The following NRG3 variants were observed in gnomAD, a reference collection of about 807,000 sequenced individuals.
The protein encoded by NRG3 is neuregulin 3, also known as pro-neuregulin-3, membrane-bound isoform.
Under a neutral mutation model 66.9 loss-of-function variants are expected in NRG3, and 31 were observed. The ratio of observed to expected loss-of-function variants is 0.46; its 90% CI spans 0.35 to 0.63. The LOEUF (loss-of-function observed/expected upper bound fraction) is 0.63, where lower values mean the gene tolerates loss of function less well. Ranked by LOEUF, NRG3 falls within the 20% of genes least tolerant of loss-of-function variation. The probability of loss-of-function intolerance (pLI) is 0.00; values close to 1 mark genes in which losing one functional copy is unlikely to be tolerated. For synonymous variants in NRG3, 393 were observed against 359.4 expected, an observed-to-expected ratio of 1.09 and a Z score of -1.06; for missense variants, 910 against 878.9, an observed-to-expected ratio of 1.04 and a Z score of -0.45.
intron 2 of NRG3, among the ~76,000 whole-genome samples, chr10:82,428,899 A>T (rs1168219382): frequency 1.3e-5 from 2 of 151,924 alleles, no homozygotes; most frequent in African/African-American, 4.8e-5. Context: ...TGTTAGGTGT[A>T]TATATGTTTA....
At chr10:82,206,588 A>G (rs956665244) in intron 1 of NRG3, among the ~76,000 whole-genome samples, 1 of 151,972 alleles carries the variant, frequency 6.6e-6, no homozygotes. Flanking sequence ...TGTGTGAACC[A>G]CCCTTGAAAA....
intron 2 of NRG3, among the ~76,000 whole-genome samples, chr10:82,653,805 A>G (rs1293399097): frequency 6.6e-6 from 1 of 152,202 alleles, no homozygotes; most frequent in Non-Finnish European, 1.5e-5. Context: ...CATAAGAGCG[A>G]GGGCCTCATC....
At chr10:82,186,108 T>C (rs774587845) in intron 1 of NRG3, among the ~76,000 whole-genome samples, 10 of 152,182 alleles carry the variant, frequency 6.6e-5, no homozygotes, top group Admixed American at 1.3e-4. Flanking sequence ...AATAACTGAT[T>C]CAAAAATTCA....
intron 2 of NRG3, among the ~76,000 whole-genome samples, chr10:82,597,032 A>G (rs1374314000): frequency 2.6e-5 from 4 of 152,158 alleles, no homozygotes; most frequent in Non-Finnish European, 2.9e-5. Flanking sequence ...GTTTCTGTGC[A>G]TGATTATCTC....
At chr10:82,592,464 T>TA (rs2047037391) in intron 2 of NRG3, among the ~76,000 whole-genome samples, 1 of 152,132 alleles carries the variant, frequency 6.6e-6, no homozygotes, top group South Asian at 2.1e-4. Context: ...GGCAAAGAAA[T>TA]ATGGTTTGCC....
At chr10:82,268,233 C>G (rs545529750) in intron 1 of NRG3, among the ~76,000 whole-genome samples, 1 of 152,174 alleles carries the variant, frequency 6.6e-6, no homozygotes, top group African/African-American at 2.4e-5. Context: ...GTACTATTAT[C>G]ATTTTCCTTT....
chr10:81,903,696 C>T (rs1172010923), intron 1 of NRG3, among the ~76,000 whole-genome samples: 10 of 152,190 alleles, frequency 6.6e-5, no homozygotes, highest in Admixed American at 6.5e-4. Flanking sequence ...CATTAGCTGC[C>T]TCCACAAGGC....
At chr10:82,149,035 A>G (rs556957858) in intron 1 of NRG3, among the ~76,000 whole-genome samples, 5 of 148,338 alleles carry the variant, frequency 3.4e-5, no homozygotes, top group African/African-American at 1.3e-4. Flanking sequence ...TCACCCAAAC[A>G]ATTCACATTC....
intron 4 of NRG3, among the ~76,000 whole-genome samples, chr10:82,879,110 T>G (rs547968244): frequency 6.6e-6 from 1 of 152,342 alleles, no homozygotes; most frequent in East Asian, 1.9e-4. Flanking sequence ...TCCACTGCAT[T>G]TATTAAAATC....
intron 1 of NRG3, among the ~76,000 whole-genome samples, chr10:81,935,876 AACACACACACACACACACACAC>A (rs55670416): frequency 1.1e-4 from 14 of 132,440 alleles, no homozygotes; most frequent in African/African-American, 3.8e-4. Flanking sequence ...TCAGTGCCTG[AACACACACACACACACACACAC>A]ACACACACAC....
chr10:82,008,059 T>C (rs1302794412), intron 1 of NRG3, among the ~76,000 whole-genome samples: 1 of 152,202 alleles, frequency 6.6e-6, no homozygotes, highest in African/African-American at 2.4e-5. Context: ...CAGCTGGTTT[T>C]GGGGGGCATT....
intron 1 of NRG3, among the ~76,000 whole-genome samples, chr10:82,320,301 T>C (rs538327596): frequency 5.3e-5 from 8 of 152,260 alleles, no homozygotes; most frequent in Non-Finnish European, 1.2e-4. Context: ...AGTAAATACC[T>C]AAGTCATTTG....
At chr10:81,918,529 A>C (rs1165858032) in intron 1 of NRG3, among the ~76,000 whole-genome samples, 3 of 152,198 alleles carry the variant, frequency 2.0e-5, no homozygotes, top group Non-Finnish European at 4.4e-5. Flanking sequence ...GGATTTTTCT[A>C]TTTATAAATG....
At chr10:82,135,842 G>T (rs1256561004) in intron 1 of NRG3, among the ~76,000 whole-genome samples, 1 of 152,072 alleles carries the variant, frequency 6.6e-6, no homozygotes, top group Non-Finnish European at 1.5e-5. Context: ...GGCCACTGGT[G>T]CCTTATTTGG....
chr10:81,954,013 A>G (rs995231945), intron 1 of NRG3, among the ~76,000 whole-genome samples: 2 of 152,252 alleles, frequency 1.3e-5, no homozygotes, highest in Admixed American at 6.5e-5. Context: ...GCTGACAGTT[A>G]TGAAATTCTA....
chr10:82,837,318 A>C (rs1390371327), intron 3 of NRG3, among the ~76,000 whole-genome samples: 2 of 152,136 alleles, frequency 1.3e-5, no homozygotes, highest in African/African-American at 4.8e-5. Context: ...GAATCACCAC[A>C]CTGAATTCCA....
At chr10:82,282,000 T>C (rs531568364) in intron 1 of NRG3, among the ~76,000 whole-genome samples, 1 of 152,258 alleles carries the variant, frequency 6.6e-6, no homozygotes, top group South Asian at 2.1e-4. Context: ...TTTCACCTAA[T>C]CCTAATACTA....
At chr10:82,061,842 T>TCTCTCTC (rs2064158973) in intron 1 of NRG3, among the ~76,000 whole-genome samples, 20 of 146,816 alleles carry the variant, frequency 1.4e-4, no homozygotes, top group Non-Finnish European at 1.5e-4. Flanking sequence ...CAGTGTCCCT[T>TCTCTCTC]TCTCTCTCTC....
At chr10:82,848,698 C>T (rs553955846) in intron 3 of NRG3, among the ~76,000 whole-genome samples, 8 of 152,072 alleles carry the variant, frequency 5.3e-5, no homozygotes, top group East Asian at 3.9e-4. Flanking sequence ...CATCTTGAAC[C>T]GTAGTTCCCA....
Sources: gnomAD v4.1 joint callset for allele counts (sites outside exome capture counted in the v4.1 genomes callset) on GRCh38, gnomAD v4.1.1 for gene constraint, MANE v1.5 for transcripts, NCBI Gene and HGNC (gene_info 2026-07-23, HGNC 2026-07-21) for gene names.